Variants in IL15 observed in about 807,000 individuals in gnomAD.
IL15 encodes interleukin 15, also known as interleukin-15.
In IL15, 11 loss-of-function variants were observed where a neutral mutation model predicts 19.6. The ratio of observed to expected loss-of-function variants is 0.56; its 90% CI spans 0.35 to 0.93. IL15 has a LOEUF of 0.93. Ranked by LOEUF, IL15 falls within the 40% of genes least tolerant of loss-of-function variation. The pLI, the probability that IL15 is intolerant of heterozygous loss-of-function variation, is 0.01. For synonymous variants in IL15, 58 were observed against 59.6 expected, an observed-to-expected ratio of 0.97 and a Z score of 0.12; for missense variants, 197 against 186.5, an observed-to-expected ratio of 1.06 and a Z score of -0.33.
At chr4:141,725,171 A>T (rs554470989) in intron 5 of IL15, among the ~76,000 whole-genome samples, 1 of 152,306 alleles carries the variant, frequency 6.6e-6, no homozygotes, top group Non-Finnish European at 1.5e-5. Context: ...AATCTACCCT[A>T]TCAACAGGCT....
chr4:141,649,539 AGAG>A (rs1360331515), intron 1 of IL15, among the ~76,000 whole-genome samples: 1 of 152,086 alleles, frequency 6.6e-6, no homozygotes, highest in Admixed American at 6.6e-5. Flanking sequence ...AGATTAAAAG[AGAG>A]GAGGTGAAAT....
chr4:141,671,250 A>G (rs1190703752), intron 2 of IL15, among the ~76,000 whole-genome samples: 2 of 152,160 alleles, frequency 1.3e-5, no homozygotes, highest in Non-Finnish European at 1.5e-5. Context: ...CTCCTCTCTA[A>G]GTCCAGATAA....
chr4:141,721,750 A>G, intron 4 of IL15, 174 bp from the exon 5 acceptor site: 2 of 633,564 alleles, frequency 3.2e-6, no homozygotes, highest in Non-Finnish European at 2.7e-6. Context: ...CCAAAATTGT[A>G]CTATATGCTC....
intron 2 of IL15, among the ~76,000 whole-genome samples, chr4:141,693,016 C>CAAGAAAAAAAAAAAAAAA (rs1728968568): frequency 4.3e-5 from 1 of 23,232 alleles, no homozygotes; most frequent in Admixed American, 6.8e-4. Flanking sequence ...GACTCCGTCT[C>CAAGAAAAAAAAAAAAAAA]AAAAAAAAAA....
intron 2 of IL15, chr4:141,716,346 T>C (rs560843124): frequency 6.6e-6 from 1 of 152,360 alleles, no homozygotes; most frequent in East Asian, 1.9e-4. Flanking sequence ...CAGGGCTGCC[T>C]TGGGACTTGG....
At chr4:141,675,486 G>T (rs1448379618) in intron 2 of IL15, among the ~76,000 whole-genome samples, 1 of 152,154 alleles carries the variant, frequency 6.6e-6, no homozygotes. Context: ...ATCAACCTGT[G>T]TGAGCAGCTC....
At position 141,719,481 on chromosome 4, in the gene IL15, GAAA is replaced by G; in HGVS notation, c.12+11_12+13del. ...CTTTGAGTAATGAGAATTTCGGTAA[GAAA>G]AAAAATAGATGAAAATATCCTATGG... On this transcript the variant is annotated splice_donor_region_variant and intron_variant, in intron 3 of 7. Coordinates refer to ENST00000320650, the MANE Select transcript of IL15 (RefSeq NM_000585.5). 8.5e-7 allele frequency: 1 copy of G among 1,171,712 alleles called. No individual in the cohort carries two copies. The highest frequency in any genetic ancestry group is 1.3e-6 in the Non-Finnish European group (1 of 782,112). 72.6% of individuals were successfully genotyped at this position (1,171,712 alleles called of 1,614,324 possible).
At chr4:141,688,139 T>A (rs1363147441) in intron 2 of IL15, among the ~76,000 whole-genome samples, 1 of 152,170 alleles carries the variant, frequency 6.6e-6, no homozygotes, top group East Asian at 1.9e-4. Flanking sequence ...GTGCACCCCC[T>A]GAAGGATCAT....
chr4:141,719,720 T>C (rs901065634), intron 3 of IL15, among the ~76,000 whole-genome samples: 6 of 152,190 alleles, frequency 3.9e-5, no homozygotes, highest in African/African-American at 1.4e-4. Context: ...CTCTTTTGTG[T>C]TCTCTAAATG....
chr4:141,716,493 C>T (rs986058054), intron 2 of IL15: 4 of 152,250 alleles, frequency 2.6e-5, no homozygotes, highest in Non-Finnish European at 5.9e-5. Context: ...AGCCTGCAGT[C>T]TCACAGAATA....
At chr4:141,709,267 T>C (rs572311975) in intron 2 of IL15, among the ~76,000 whole-genome samples, 1 of 152,316 alleles carries the variant, frequency 6.6e-6, no homozygotes, top group Admixed American at 6.5e-5. Context: ...AGGTCATAGA[T>C]GACCTTTTAC....
chr4:141,705,426 C>T (rs1370509380), intron 2 of IL15, among the ~76,000 whole-genome samples: 1 of 151,838 alleles, frequency 6.6e-6, no homozygotes, highest in Non-Finnish European at 1.5e-5. Flanking sequence ...AGTTTTATTG[C>T]ATTATGGTTA....
At chr4:141,668,514 G>A (rs1028333597) in intron 2 of IL15, among the ~76,000 whole-genome samples, 1 of 152,208 alleles carries the variant, frequency 6.6e-6, no homozygotes, top group African/African-American at 2.4e-5. Flanking sequence ...CGTTTCTTGA[G>A]TGAGACTACC....
intron 2 of IL15, among the ~76,000 whole-genome samples, chr4:141,665,202 A>G (rs570008651): frequency 7.9e-5 from 12 of 152,214 alleles, no homozygotes; most frequent in African/African-American, 2.9e-4. Context: ...TGTCAGATCT[A>G]TCAATCTTCC....
At chr4:141,704,585 T>C in intron 2 of IL15, 1 of 385,800 alleles carries the variant, frequency 2.6e-6, no homozygotes, top group East Asian at 9.5e-5. Flanking sequence ...TATTCTCCCA[T>C]CTTCAATTTT....
chr4:141,668,989 T>C (rs1316807123), intron 2 of IL15, among the ~76,000 whole-genome samples: 2 of 152,218 alleles, frequency 1.3e-5, no homozygotes, highest in African/African-American at 2.4e-5. Flanking sequence ...ATGTAATTTC[T>C]TTTTTCCTCA....
intron 2 of IL15, among the ~76,000 whole-genome samples, chr4:141,666,755 C>T (rs1046025975): frequency 1.3e-5 from 2 of 151,936 alleles, no homozygotes; most frequent in African/African-American, 2.4e-5. Flanking sequence ...TGGAGCTGGC[C>T]GTGAAGAAAT....
intron 7 of IL15, among the ~76,000 whole-genome samples, chr4:141,732,244 G>A (rs1304915799): frequency 6.6e-6 from 1 of 152,176 alleles, no homozygotes; most frequent in African/African-American, 2.4e-5. Flanking sequence ...AGTAGCAGCA[G>A]CTAAAATAGG....
In IL15 at chr4:141,729,840, T is replaced by G. The variant is rs1182072597; in HGVS notation, c.241-7T>G. 1 of 1,492,572 alleles carries G rather than the reference T, an allele frequency of 6.7e-7. No homozygotes were observed. The highest frequency in any genetic ancestry group is 9.3e-7 in the Non-Finnish European group (1 of 1,076,186). 92.5% of individuals were successfully genotyped at this position (1,492,572 alleles called of 1,614,324 possible). Reference sequence around the variant, plus strand: ...AAGTAATTGTTCTTTATAACTTTTATTTTTAGCCCAGTTGCAAAGTAACAG... The same window carrying G: ...AAGTAATTGTTCTTTATAACTTTTAGTTTTAGCCCAGTTGCAAAGTAACAG... On this transcript the variant is annotated splice_polypyrimidine_tract_variant and splice_region_variant and intron_variant, in intron 6 of 7. Transcript: ENST00000320650.
Sources: gnomAD v4.1 joint callset for allele counts (sites outside exome capture counted in the v4.1 genomes callset) on GRCh38, gnomAD v4.1.1 for gene constraint, MANE v1.5 for transcripts, NCBI Gene and HGNC (gene_info 2026-07-23, HGNC 2026-07-21) for gene names.